The following DCDC1 variants were observed in gnomAD, a reference collection of about 807,000 sequenced individuals.
The protein encoded by DCDC1 is doublecortin domain-containing protein 1.
A neutral mutation model predicts 178.3 loss-of-function variants in DCDC1; 200 were observed. The observed-to-expected ratio is 1.12, with a 90% confidence interval of 1.00 to 1.26. The LOEUF is 1.26. Ranked by LOEUF, DCDC1 falls within the 50% of genes most tolerant of loss-of-function variation. The probability of loss-of-function intolerance (pLI) is 0.00; values close to 1 mark genes in which losing one functional copy is unlikely to be tolerated. For missense variants in DCDC1, 1,983 were observed against 1,749.2 expected (o/e 1.13, Z -2.38); for synonymous variants, 690 against 604.8 (o/e 1.14, Z -2.07).
chr11:30,969,355 AG>A (rs1158420921), intron 20 of DCDC1, among the ~76,000 whole-genome samples: 1 of 152,192 alleles, frequency 6.6e-6, no homozygotes, highest in Non-Finnish European at 1.5e-5. Flanking sequence ...ACAAAAGCAA[AG>A]ATTAAAGTGA....
At chr11:30,991,575 G>A (rs919869270) in intron 20 of DCDC1, among the ~76,000 whole-genome samples, 7 of 151,982 alleles carry the variant, frequency 4.6e-5, no homozygotes, top group Non-Finnish European at 8.8e-5. Flanking sequence ...CACCACCGAC[G>A]TCACTAGGTT....
intron 17 of DCDC1, among the ~76,000 whole-genome samples, chr11:31,081,574 C>T (rs545966413): frequency 4.0e-5 from 6 of 151,784 alleles, no homozygotes; most frequent in Admixed American, 6.6e-5. Flanking sequence ...CATGCCATTG[C>T]ACTGCAGCCT....
At chr11:31,137,357 T>A (rs1439327599) in intron 10 of DCDC1, among the ~76,000 whole-genome samples, 3 of 75,660 alleles carry the variant, frequency 4.0e-5, no homozygotes, top group African/African-American at 9.2e-5. Flanking sequence ...CATTGCAGGT[T>A]TTTTTTTTTT....
intron 9 of DCDC1, among the ~76,000 whole-genome samples, chr11:31,195,272 C>T (rs997830770): frequency 6.6e-5 from 10 of 152,066 alleles, no homozygotes; most frequent in Admixed American, 2.6e-4. Context: ...CTTCCACTAA[C>T]GACTGTGAAA....
chr11:31,297,669 T>C (rs1420955678), intron 6 of DCDC1, among the ~76,000 whole-genome samples: 2 of 152,126 alleles, frequency 1.3e-5, no homozygotes, highest in Non-Finnish European at 2.9e-5. Flanking sequence ...TATTAACAAA[T>C]GCTTCCTACA....
chr11:30,965,291 T>C (rs2134619763), intron 20 of DCDC1, among the ~76,000 whole-genome samples: 1 of 152,252 alleles, frequency 6.6e-6, no homozygotes, highest in South Asian at 2.1e-4. Context: ...AAAATCACCA[T>C]GTCAGTACCA....
chr11:31,269,667 T>C (rs1945417339), intron 7 of DCDC1, among the ~76,000 whole-genome samples: 1 of 152,276 alleles, frequency 6.6e-6, no homozygotes, highest in Admixed American at 6.5e-5. Context: ...ATTACAGACA[T>C]GAACCACTGC....
At chr11:30,950,699 C>G (rs163871) in intron 21 of DCDC1, among the ~76,000 whole-genome samples, 89,969 of 151,730 alleles carry the variant, frequency 0.59, 27,396 homozygotes, top group African/African-American at 0.71. Context: ...GTTGCCAGAG[C>G]CTGGGAAAGG....
In DCDC1 at chr11:31,270,754, C is replaced by T. The variant is rs576084710; in HGVS notation, c.961-5154G>A. Among the ~76,000 whole-genome samples the T allele has an allele frequency of 6.6e-5, 10 of 152,268 alleles. No homozygotes were observed. In the East Asian group the frequency reaches 1.2e-3, roughly 18 times the overall value. On this transcript the variant is annotated intron_variant, in intron 7 of 38. Transcript: ENST00000684477. ...CTCTTATTGAACAAAAACAAACAAG[C>T]GCTGTCCCCAACACCCAGGATCTTG... is the stretch of plus-strand genomic sequence containing the variant.
chr11:30,881,196 A>T lies in DCDC1; in HGVS notation c.5195T>A (p.Ile1732Asn). ...SWDDIERDMV[I>N]CVSMGHGFKT... ...GAAACCATGTCCCATAGACACACAG[A>T]TGACCATATCTCGCTCTATGTCGTC... Residue 1732 changes from isoleucine (I) to asparagine (N), a missense_variant, in exon 37 of 39, where the codon ATC becomes AAC. Coordinates refer to ENST00000684477, the MANE Select transcript of DCDC1 (RefSeq NM_001387274.1). 1 of 1,613,540 alleles carries T rather than the reference A, an allele frequency of 6.2e-7. No homozygotes were observed. The highest frequency in any genetic ancestry group is 8.5e-7 in the Non-Finnish European group (1 of 1,179,600).
At chr11:31,327,163 G>GTGTTT (rs1167018925) in intron 3 of DCDC1, among the ~76,000 whole-genome samples, 1 of 151,924 alleles carries the variant, frequency 6.6e-6, no homozygotes, top group Non-Finnish European at 1.5e-5. Flanking sequence ...ATTCCTCCTA[G>GTGTTT]TGTTTTGTTT....
At chr11:31,054,544 C>G (rs1297227715) in intron 20 of DCDC1, among the ~76,000 whole-genome samples, 1 of 152,072 alleles carries the variant, frequency 6.6e-6, no homozygotes, top group African/African-American at 2.4e-5. Flanking sequence ...CAAGACTAAG[C>G]AAAAAGAACA....
intron 9 of DCDC1, among the ~76,000 whole-genome samples, chr11:31,216,866 A>AT (rs1247828153): frequency 1.3e-5 from 2 of 152,210 alleles, no homozygotes; most frequent in African/African-American, 4.8e-5. Context: ...TACTCTCAAA[A>AT]TAGCCAGAGT....
rs2616810 is a variant in DCDC1, at chr11:31,258,999, T to C, written c.1054+6508A>G. ...AAAAATGATACCTCAAATAAGTCTT[T>C]ATGACTGGTGCTACTGCCAACACAA... On this transcript the variant is annotated intron_variant, in intron 8 of 38. Coordinates refer to ENST00000684477, the MANE Select transcript of DCDC1 (RefSeq NM_001387274.1). Among the ~76,000 whole-genome samples, 1,250 of 152,222 alleles carry C rather than the reference T, an allele frequency of 8.2e-3. 13 individuals are homozygous for C. The highest frequency in any genetic ancestry group is 0.029 in the African/African-American group (1,192 of 41,552).
At chr11:31,055,066 G>GA (rs1565226917) in intron 20 of DCDC1, among the ~76,000 whole-genome samples, 2 of 152,180 alleles carry the variant, frequency 1.3e-5, no homozygotes, top group Non-Finnish European at 2.9e-5. Flanking sequence ...CAGAGTGAGA[G>GA]AAAATCTTTA....
chr11:31,037,671 G>A (rs1456593975), intron 20 of DCDC1, among the ~76,000 whole-genome samples: 1 of 151,922 alleles, frequency 6.6e-6, no homozygotes, highest in Admixed American at 6.6e-5. Context: ...CACCGTGTTA[G>A]CCAGGATGGT....
intron 20 of DCDC1, among the ~76,000 whole-genome samples, chr11:31,014,425 C>A (rs981821866): frequency 6.6e-5 from 10 of 152,064 alleles, no homozygotes; most frequent in African/African-American, 2.2e-4. Flanking sequence ...TTCTCCAGCC[C>A]CACTCAAGCA....
At chr11:31,242,012 T>C (rs1048039602) in intron 8 of DCDC1, among the ~76,000 whole-genome samples, 2 of 151,980 alleles carry the variant, frequency 1.3e-5, no homozygotes, top group African/African-American at 4.8e-5. Context: ...TAGCTTCTTG[T>C]AGAGCACTCT....
chr11:31,213,981 G>A (rs1447457909), intron 9 of DCDC1, among the ~76,000 whole-genome samples: 1 of 151,798 alleles, frequency 6.6e-6, no homozygotes, highest in African/African-American at 2.4e-5. Context: ...TTATCTCTGG[G>A]GAATAGTTTT....
Sources: gnomAD v4.1 joint callset for allele counts (sites outside exome capture counted in the v4.1 genomes callset) on GRCh38, gnomAD v4.1.1 for gene constraint, MANE v1.5 for transcripts, NCBI Gene and HGNC (gene_info 2026-07-23, HGNC 2026-07-21) for gene names.